Variants in DPYD observed in about 807,000 individuals in gnomAD.
DPYD encodes dihydropyrimidine dehydrogenase [NADP(+)].
A neutral mutation model predicts 116.2 loss-of-function variants in DPYD; 109 were observed. That is an observed-to-expected ratio of 0.94 (90% CI 0.80 to 1.10). DPYD has a LOEUF of 1.10. Ranked by LOEUF, DPYD falls within the 50% of genes least tolerant of loss-of-function variation. The pLI, the probability that DPYD is intolerant of heterozygous loss-of-function variation, is 0.00. For synonymous variants in DPYD, 440 were observed against 432.0 expected (o/e 1.02, Z -0.23); for missense variants, 1,302 against 1,254.5 (o/e 1.04, Z -0.57).
At chr1:97,122,036 T>C (rs975082395) in intron 20 of DPYD, among the ~76,000 whole-genome samples, 2 of 152,134 alleles carry the variant, frequency 1.3e-5, no homozygotes, top group African/African-American at 4.8e-5. Flanking sequence ...TCTTGAATCT[T>C]GAAGGATGGA....
intron 20 of DPYD, among the ~76,000 whole-genome samples, chr1:97,133,956 G>A (rs374679439): frequency 1.5e-5 from 2 of 135,678 alleles, no homozygotes; most frequent in South Asian, 2.4e-4. Flanking sequence ...CTGAGATCAC[G>A]CCACTGTACT....
intron 2 of DPYD, among the ~76,000 whole-genome samples, chr1:97,840,834 A>T (rs1314481923): frequency 1.3e-5 from 2 of 152,150 alleles, no homozygotes; most frequent in African/African-American, 4.8e-5. Flanking sequence ...TTTCAGTGAT[A>T]AAACAGTTGA....
At chr1:97,332,829 T>C (rs904160167) in intron 16 of DPYD, among the ~76,000 whole-genome samples, 1 of 152,182 alleles carries the variant, frequency 6.6e-6, no homozygotes, top group Non-Finnish European at 1.5e-5. Context: ...ACATTTGCTG[T>C]TTCAACTATT....
At chr1:97,206,794 T>C (rs1659666976) in intron 19 of DPYD, among the ~76,000 whole-genome samples, 1 of 150,144 alleles carries the variant, frequency 6.7e-6, no homozygotes, top group Non-Finnish European at 1.5e-5. Flanking sequence ...TGCATACACA[T>C]ACATATACAC....
chr1:97,628,700 A>G (rs1018255861), intron 8 of DPYD, among the ~76,000 whole-genome samples: 8 of 152,076 alleles, frequency 5.3e-5, no homozygotes, highest in Admixed American at 5.3e-4. Flanking sequence ...TACTTTATAT[A>G]TGCATACATG....
chr1:97,365,660 T>C (rs762815592), intron 16 of DPYD, among the ~76,000 whole-genome samples: 1 of 152,192 alleles, frequency 6.6e-6, no homozygotes, highest in Non-Finnish European at 1.5e-5. Context: ...GTTTTTCCTG[T>C]AACATTCACC....
intron 20 of DPYD, among the ~76,000 whole-genome samples, chr1:97,111,700 A>G (rs1651611299): frequency 1.3e-5 from 2 of 152,070 alleles, no homozygotes; most frequent in Admixed American, 6.6e-5. Context: ...TCTAAAAGGT[A>G]CTAGATTAAA....
chr1:97,186,004 T>C (rs1657969151), intron 20 of DPYD, among the ~76,000 whole-genome samples: 1 of 152,342 alleles, frequency 6.6e-6, no homozygotes, highest in South Asian at 2.1e-4. Flanking sequence ...ATAAGTGGCA[T>C]AGAAGATACA....
chr1:97,750,343 G>A (rs999062645), intron 3 of DPYD, among the ~76,000 whole-genome samples: 1 of 151,786 alleles, frequency 6.6e-6, no homozygotes, highest in African/African-American at 2.4e-5. Context: ...AATAAAATAG[G>A]TTATTTGTTC....
At chr1:97,671,674 A>G (rs554079133) in intron 8 of DPYD, among the ~76,000 whole-genome samples, 3 of 151,724 alleles carry the variant, frequency 2.0e-5, no homozygotes, top group Admixed American at 6.6e-5. Context: ...AACTTTATTG[A>G]TGTTGTATTA....
rs192598990 is a variant in DPYD, at chr1:97,707,645, T to C, written c.484-8098A>G. Among the ~76,000 whole-genome samples the C allele has an allele frequency of 3.3e-3, 500 of 152,110 alleles. 2 individuals are homozygous for C. The highest frequency in any genetic ancestry group is 0.01 in the African/African-American group (427 of 41,526). On this transcript the variant is annotated intron_variant, in intron 5 of 22. Coordinates refer to ENST00000370192, the MANE Select transcript of DPYD (RefSeq NM_000110.4). Reference sequence around the variant, plus strand: ...GAACCAAGAGAAATAATTTTTGTTGTTTATAAGCCATCCAGTTTATGGTAT... The same window carrying C: ...GAACCAAGAGAAATAATTTTTGTTGCTTATAAGCCATCCAGTTTATGGTAT...
At chr1:97,552,029 T>C (rs1651361711) in intron 11 of DPYD, among the ~76,000 whole-genome samples, 1 of 152,066 alleles carries the variant, frequency 6.6e-6, no homozygotes, top group Non-Finnish European at 1.5e-5. Flanking sequence ...CTTAAGAGCA[T>C]AGATGGATTT....
intron 2 of DPYD, among the ~76,000 whole-genome samples, chr1:97,873,079 T>C (rs1376292815): frequency 6.6e-6 from 1 of 151,822 alleles, no homozygotes; most frequent in Non-Finnish European, 1.5e-5. Context: ...GTAACTCCCA[T>C]GGAAGGCTGT....
intron 8 of DPYD, among the ~76,000 whole-genome samples, chr1:97,644,070 C>T (rs1658100599): frequency 6.6e-6 from 1 of 151,654 alleles, no homozygotes; most frequent in South Asian, 2.1e-4. Context: ...CAACCTAGAA[C>T]TTAAAGTATA....
chr1:97,618,977 G>C (rs1188101571), intron 8 of DPYD, among the ~76,000 whole-genome samples: 1 of 152,056 alleles, frequency 6.6e-6, no homozygotes, highest in South Asian at 2.1e-4. Flanking sequence ...AAGTAATCTT[G>C]GTGAAGATGT....
At chr1:97,708,274 G>C (rs913095741) in intron 5 of DPYD, among the ~76,000 whole-genome samples, 2 of 152,034 alleles carry the variant, frequency 1.3e-5, no homozygotes, top group East Asian at 3.9e-4. Flanking sequence ...AAAGAGTTCT[G>C]TAGTTTTGTA....
At chr1:97,809,688 A>T (rs1334429677) in intron 3 of DPYD, among the ~76,000 whole-genome samples, 1 of 152,186 alleles carries the variant, frequency 6.6e-6, no homozygotes, top group Non-Finnish European at 1.5e-5. Flanking sequence ...TAGTATACAC[A>T]ATATCACAGA....
intron 6 of DPYD, among the ~76,000 whole-genome samples, chr1:97,694,730 T>C (rs1427110112): frequency 6.6e-6 from 1 of 152,154 alleles, no homozygotes; most frequent in East Asian, 1.9e-4. Flanking sequence ...TGTGTTCTTT[T>C]TAGACAATTT....
intron 21 of DPYD, among the ~76,000 whole-genome samples, chr1:97,097,395 T>G (rs1030226794): frequency 8.5e-5 from 13 of 152,138 alleles, no homozygotes; most frequent in Non-Finnish European, 1.6e-4. Context: ...TGAATTTCAG[T>G]GAGGTCTACT....
Sources: allele counts gnomAD v4.1 joint callset (sites outside exome capture counted in the v4.1 genomes callset), GRCh38; gene constraint gnomAD v4.1.1; transcripts MANE v1.5; gene names NCBI Gene and HGNC (gene_info 2026-07-23, HGNC 2026-07-21).